SAMD4B: variants seen among roughly 807,000 people sequenced by gnomAD.
SAMD4B encodes the protein protein Smaug homolog 2.
SAMD4B carries 5 observed loss-of-function variants against 74.5 expected under a neutral mutation model. The observed-to-expected ratio is 0.07, with a 90% CI of 0.04 to 0.14. The LOEUF (loss-of-function observed/expected upper bound fraction) is 0.14, where lower values mean the gene tolerates loss of function less well. SAMD4B is among the 10% of genes least tolerant of loss of function. SAMD4B has a pLI of 1.00. For synonymous variants in SAMD4B, 373 were observed against 374.9 expected (o/e 1.00, Z 0.06); for missense variants, 608 against 921.8 (o/e 0.66, Z 4.41).
At chr19:39,343,993 CCA>C (rs1555716125) in intron 1 of SAMD4B, among the ~76,000 whole-genome samples, 2 of 104,342 alleles carry the variant, frequency 1.9e-5, no homozygotes, top group Admixed American at 2.1e-4. Flanking sequence ...CCCCCCCCCC[CCA>C]CACACACACA....
At chr19:39,355,398 A>G (rs1333194719) in intron 2 of SAMD4B, among the ~76,000 whole-genome samples, 2 of 152,204 alleles carry the variant, frequency 1.3e-5, no homozygotes, top group African/African-American at 4.8e-5. Context: ...GGCAAGTCAC[A>G]GCTGTTGCCT....
intron 1 of SAMD4B, chr19:39,351,293 A>G (rs1013878223): frequency 3.3e-5 from 5 of 152,206 alleles, no homozygotes; most frequent in African/African-American, 9.7e-5. Context: ...CCTCTTAGCC[A>G]TTTTGTTAAC....
At chr19:39,367,806 G>A (rs923587998) in intron 3 of SAMD4B, among the ~76,000 whole-genome samples, 3 of 150,774 alleles carry the variant, frequency 2.0e-5, no homozygotes, top group Non-Finnish European at 4.4e-5. Context: ...ACCACGCCCA[G>A]TGCTAATAAG....
chr19:39,383,669 CT>C lies in SAMD4B; in HGVS notation c.*146del. Reference sequence around the variant, plus strand: ...TTTTTCTACTCTCTTACCCTCTTAACTTTTGTTTAACATTGGCACATGCCTT... The same window carrying C: ...TTTTTCTACTCTCTTACCCTCTTAACTTTGTTTAACATTGGCACATGCCTT... On this transcript the variant is annotated 3_prime_UTR_variant, in exon 14 of 14. Transcript: ENST00000610417. The surrounding 1 kb of genome is among the most constrained non-coding windows in gnomAD (Gnocchi z 4.1). 6.4e-7 allele frequency: 1 copy of C among 1,572,826 alleles called. No homozygotes were observed. Among genetic ancestry groups the C allele is most frequent in the Non-Finnish European group, 8.6e-7 (1 of 1,162,888 alleles).
rs770489680 is a variant in SAMD4B, at chr19:39,377,778, C to T, written c.1398C>T (p.Val466=). The part of the protein sequence containing the change: ...TDGSEPAPAP[V]ADGDIPSQFT... ...GCAGTGAGCCTGCCCCGGCTCCCGT[C>T]GCCGACGGAGACATCCCCAGCCAGT... The change falls in exon 8 of 14, where the codon GTC becomes GTT. Residue 466 remains valine, a synonymous_variant. Coordinates refer to ENST00000610417, the MANE Select transcript of SAMD4B (RefSeq NM_001384574.2). 10 of 1,612,190 alleles carry T rather than the reference C, an allele frequency of 6.2e-6. No individual in the cohort carries two copies. Among genetic ancestry groups the T allele is most frequent in the South Asian group, 1.1e-5 (1 of 90,828 alleles).
At position 39,369,986 on chromosome 19, in the gene SAMD4B, G is replaced by T; in HGVS notation, c.528G>T (p.Gly176=). 6.2e-7 allele frequency: 1 copy of T among 1,613,388 alleles called. No individual in the cohort carries two copies. The highest frequency in any genetic ancestry group is 8.5e-7 in the Non-Finnish European group (1 of 1,179,754). Residue 176 remains glycine, a synonymous_variant, in exon 4 of 14, where the codon GGG becomes GGT. Transcript: ENST00000610417. ...YHSRQGSDEW[G]GPAELGPGEA... ...CACGTCAAGGCTCAGATGAGTGGGG[G>T]GGCCCTGCAGAGCTAGGCCCTGGGG...
intron 4 of SAMD4B, among the ~76,000 whole-genome samples, chr19:39,372,045 TC>T: frequency 6.6e-6 from 1 of 152,272 alleles, no homozygotes; most frequent in East Asian, 1.9e-4. Context: ...AATTTCTTTG[TC>T]TTCATACCTT....
chr19:39,386,095 G>A (rs79259738), downstream of SAMD4B: 777 of 1,613,942 alleles, frequency 4.8e-4, 2 homozygotes, highest in East Asian at 0.011. This position sits in a 1 kb window ranked among gnomAD's most constrained non-coding sequence, Gnocchi z 6.1. Flanking sequence ...CTGGCGCTGC[G>A]GCTGTGGCTC....
chr19:39,376,190 G>T (rs2077588420), intron 5 of SAMD4B, among the ~76,000 whole-genome samples: 1 of 152,178 alleles, frequency 6.6e-6, no homozygotes, highest in South Asian at 2.1e-4. Flanking sequence ...GGAGCAATCA[G>T]TGAGGTCATC....
At chr19:39,361,000 A>C (rs2076613644) in intron 3 of SAMD4B, among the ~76,000 whole-genome samples, 2 of 152,096 alleles carry the variant, frequency 1.3e-5, no homozygotes, top group Admixed American at 1.3e-4. Flanking sequence ...CCAGCTCTCC[A>C]CTAACACCTC....
chr19:39,351,790 C>G (rs2076057352), intron 1 of SAMD4B: 1 of 151,990 alleles, frequency 6.6e-6, no homozygotes, highest in African/African-American at 2.4e-5. Flanking sequence ...ATCTGAGCAA[C>G]CCTAACCAAG....
chr19:39,379,021 C>T (rs2077778320), intron 9 of SAMD4B, among the ~76,000 whole-genome samples: 1 of 151,854 alleles, frequency 6.6e-6, no homozygotes, highest in East Asian at 1.9e-4. Flanking sequence ...GGCTTCTTCT[C>T]AGAACCCTTG....
downstream of SAMD4B, chr19:39,389,498 G>A: frequency 6.2e-7 from 1 of 1,614,120 alleles, no homozygotes; most frequent in Non-Finnish European, 8.5e-7. This position sits in a 1 kb window ranked among gnomAD's most constrained non-coding sequence, Gnocchi z 5.3. Context: ...GCTGGTGGGG[G>A]CCTGAATCTC....
In SAMD4B at chr19:39,383,318, A is replaced by G. The variant is rs760330909; in HGVS notation, c.2056+27A>G. ...TGAGCATTTCCTCTTTCCCTGACCCAGCTCCCACCTACCCAGCGTCTCTGC... is the reference window on the plus strand; with the variant it reads ...TGAGCATTTCCTCTTTCCCTGACCCGGCTCCCACCTACCCAGCGTCTCTGC... On this transcript the variant is annotated intron_variant, in intron 13 of 13. Transcript: ENST00000610417. This position sits in a 1 kb window ranked among gnomAD's most constrained non-coding sequence, Gnocchi z 4.1. The G allele has an allele frequency of 6.8e-6, 11 of 1,609,368 alleles. No individual in the cohort carries two copies. In the East Asian group the frequency reaches 2.5e-4, roughly 36 times the overall value.
Position 39,385,686 on chromosome 19 carries a change from A to C in SAMD4B, c.*2159A>C, listed in dbSNP as rs2078229580. 3.7e-6 allele frequency: 2 copies of C among 534,098 alleles called. No homozygotes were observed. 33.1% of individuals were successfully genotyped at this position (534,098 alleles called of 1,614,324 possible). A position where few individuals can be genotyped will look rare whatever the true frequency, so the allele number is the denominator to read the frequency against. On this transcript the variant is annotated 3_prime_UTR_variant, in exon 14 of 14. Coordinates refer to ENST00000610417, the MANE Select transcript of SAMD4B (RefSeq NM_001384574.2). ...GCTTATTTTGGAAAAAAAAAAAACA[A>C]ACAAAAAAAACGAATTCTGACCTTC...
At chr19:39,388,990 C>T (rs2078314084), downstream of SAMD4B, 2 of 1,614,138 alleles carry the variant, frequency 1.2e-6, no homozygotes, top group Non-Finnish European at 1.7e-6. Flanking sequence ...CGGTGTGACT[C>T]GGGGTTTGCT....
chr19:39,352,717 G>A (rs890818979), intron 1 of SAMD4B, among the ~76,000 whole-genome samples: 3 of 150,498 alleles, frequency 2.0e-5, no homozygotes, highest in African/African-American at 4.9e-5. Context: ...GGCCTGGGGG[G>A]AAAAGCTGGA....
chr19:39,356,478 C>CT (rs1197104434), intron 2 of SAMD4B, among the ~76,000 whole-genome samples: 1 of 152,186 alleles, frequency 6.6e-6, no homozygotes, highest in Non-Finnish European at 1.5e-5. Context: ...GGATAGGCAT[C>CT]TAAGTCCCAG....
At chr19:39,381,219 C>T (rs1402716445) in intron 12 of SAMD4B, 106 bp downstream of exon 12, 20 of 1,341,128 alleles carry the variant, frequency 1.5e-5, no homozygotes, top group Middle Eastern at 1.9e-4. Flanking sequence ...GCATTGGCAC[C>T]TCTCCCCATA....
Sources: allele counts gnomAD v4.1 joint callset (sites outside exome capture counted in the v4.1 genomes callset), GRCh38; gene constraint gnomAD v4.1.1; non-coding constraint Gnocchi (gnomAD v3.1); transcripts MANE v1.5; gene names NCBI Gene and HGNC (gene_info 2026-07-23, HGNC 2026-07-21).